The following CALD1 variants were observed in gnomAD, a reference collection of about 807,000 sequenced individuals.
CALD1 encodes caldesmon.
CALD1 carries 33 observed loss-of-function variants against 99.9 expected under a neutral mutation model. The ratio of observed to expected loss-of-function variants is 0.33; its 90% CI spans 0.25 to 0.44. The LOEUF (loss-of-function observed/expected upper bound fraction) is 0.44. CALD1 is among the 20% of genes least tolerant of loss of function. The pLI, the probability that CALD1 is intolerant of heterozygous loss-of-function variation, is 1.00. For missense variants in CALD1, 861 were observed against 962.1 expected (o/e 0.89, Z 1.39); for synonymous variants, 310 against 325.0 (o/e 0.95, Z 0.50).
At chr7:134,752,879 G>A (rs776799259) in intron 1 of CALD1, among the ~76,000 whole-genome samples, 27 of 151,638 alleles carry the variant, frequency 1.8e-4, no homozygotes, top group Non-Finnish European at 2.7e-4. Flanking sequence ...GCATGGTGGC[G>A]GGCACCTATA....
At chr7:134,892,631 A>G (rs1022717860) in intron 3 of CALD1, among the ~76,000 whole-genome samples, 7 of 152,210 alleles carry the variant, frequency 4.6e-5, no homozygotes, top group African/African-American at 1.7e-4. Flanking sequence ...GATCTCTTGG[A>G]GAGCTAGTTT....
intron 4 of CALD1, among the ~76,000 whole-genome samples, chr7:134,932,424 T>G (rs1805592400): frequency 1.3e-5 from 2 of 152,218 alleles, no homozygotes; most frequent in Non-Finnish European, 2.9e-5. Flanking sequence ...ATTCACTTAT[T>G]ATTTCAGTTT....
At chr7:134,925,031 T>A (rs2132856209) in intron 3 of CALD1, among the ~76,000 whole-genome samples, 1 of 152,318 alleles carries the variant, frequency 6.6e-6, no homozygotes, top group South Asian at 2.1e-4. Flanking sequence ...ATTAAACCTC[T>A]TTCCTTTATA....
At chr7:134,766,918 C>A (rs1484912882) in intron 1 of CALD1, among the ~76,000 whole-genome samples, 1 of 152,052 alleles carries the variant, frequency 6.6e-6, no homozygotes, top group African/African-American at 2.4e-5. Context: ...GGAGGGGCTG[C>A]TTCATAAACT....
At chr7:134,856,132 CT>C (rs1171207848) in intron 2 of CALD1, among the ~76,000 whole-genome samples, 1 of 152,206 alleles carries the variant, frequency 6.6e-6, no homozygotes, top group Non-Finnish European at 1.5e-5. Context: ...AAAGATCCTC[CT>C]TTTGCCTCTT....
chr7:134,758,654 T>C (rs1475053499), intron 1 of CALD1, among the ~76,000 whole-genome samples: 1 of 152,202 alleles, frequency 6.6e-6, no homozygotes, highest in Admixed American at 6.5e-5. Flanking sequence ...GCTGTTTCTT[T>C]ACTCCAAAGT....
At chr7:134,875,352 G>C (rs956886839) in intron 3 of CALD1, among the ~76,000 whole-genome samples, 1 of 152,184 alleles carries the variant, frequency 6.6e-6, no homozygotes, top group Non-Finnish European at 1.5e-5. Flanking sequence ...TAAAAGATCT[G>C]TCACTGGGCG....
intron 8 of CALD1, 47 bp downstream of exon 8, chr7:134,947,816 C>G (rs377224856): frequency 1.3e-6 from 2 of 1,583,892 alleles, no homozygotes; most frequent in African/African-American, 2.7e-5. Context: ...GGAAAATTCC[C>G]TAGTGCCGTG....
intron 3 of CALD1, among the ~76,000 whole-genome samples, chr7:134,902,201 A>G (rs1423544602): frequency 6.6e-6 from 1 of 152,000 alleles, no homozygotes; most frequent in East Asian, 1.9e-4. Flanking sequence ...AGTTCCCTAG[A>G]CTCAAGCGTA....
chr7:134,858,015 C>G (rs1002169454), intron 2 of CALD1, among the ~76,000 whole-genome samples: 5 of 151,678 alleles, frequency 3.3e-5, no homozygotes, highest in Non-Finnish European at 7.4e-5. Context: ...CTCTGTATCA[C>G]TAAACTGGAA....
chr7:134,740,761 G>A (rs914702922), upstream of CALD1, among the ~76,000 whole-genome samples: 6 of 152,118 alleles, frequency 3.9e-5, no homozygotes, highest in East Asian at 3.8e-4. Flanking sequence ...AACCTTTTTC[G>A]TGCTGCACTA....
At chr7:134,883,864 T>A (rs1001547603) in intron 3 of CALD1, among the ~76,000 whole-genome samples, 4 of 151,930 alleles carry the variant, frequency 2.6e-5, no homozygotes, top group African/African-American at 9.7e-5. Context: ...TCCCAGCACT[T>A]TGGGAGGCCG....
chr7:134,942,465 A>G (rs1295198512), intron 7 of CALD1, among the ~76,000 whole-genome samples: 4 of 152,234 alleles, frequency 2.6e-5, no homozygotes, highest in Non-Finnish European at 5.9e-5. Flanking sequence ...GAAAAGGTGT[A>G]CATAAAAGAT....
At chr7:134,833,689 T>C (rs1032861151) in intron 1 of CALD1, among the ~76,000 whole-genome samples, 4 of 152,246 alleles carry the variant, frequency 2.6e-5, no homozygotes, top group Admixed American at 6.5e-5. Flanking sequence ...ATCAGAGCTA[T>C]GCTAGACACT....
intron 1 of CALD1, among the ~76,000 whole-genome samples, chr7:134,749,505 G>A (rs1454565102): frequency 6.6e-6 from 1 of 152,222 alleles, no homozygotes; most frequent in Non-Finnish European, 1.5e-5. Flanking sequence ...TGTAATCCCA[G>A]CTACTTGGGA....
chr7:134,879,037 A>G (rs1024303008), intron 3 of CALD1, among the ~76,000 whole-genome samples: 3 of 152,134 alleles, frequency 2.0e-5, no homozygotes, highest in Non-Finnish European at 2.9e-5. Context: ...CTTTTGCCCT[A>G]TGGTTTTCTC....
At chr7:134,865,613 T>C (rs1201324976) in intron 2 of CALD1, among the ~76,000 whole-genome samples, 3 of 152,076 alleles carry the variant, frequency 2.0e-5, no homozygotes, top group Non-Finnish European at 4.4e-5. Flanking sequence ...GAGAAGAGAA[T>C]GGGTAGGAGA....
intron 3 of CALD1, among the ~76,000 whole-genome samples, chr7:134,886,723 C>T (rs1801867927): frequency 1.3e-5 from 2 of 152,184 alleles, no homozygotes; most frequent in Admixed American, 1.3e-4. Context: ...AAATCTAGTT[C>T]GATAACAGGA....
At chr7:134,911,193 T>C (rs1188272718) in intron 3 of CALD1, among the ~76,000 whole-genome samples, 3 of 150,970 alleles carry the variant, frequency 2.0e-5, no homozygotes, top group South Asian at 4.2e-4. Flanking sequence ...GGTCATTTCC[T>C]TTTTCTTTTT....
Sources: allele counts gnomAD v4.1 joint callset (sites outside exome capture counted in the v4.1 genomes callset), GRCh38; gene constraint gnomAD v4.1.1; transcripts MANE v1.5; gene names NCBI Gene and HGNC (gene_info 2026-07-23, HGNC 2026-07-21).